Variants in OCLN observed in about 807,000 individuals in gnomAD.
OCLN encodes phosphatase 1, regulatory subunit 115.
Under a neutral mutation model 47.9 loss-of-function variants are expected in OCLN, and 21 were observed. That is an observed-to-expected ratio of 0.44 (90% CI 0.31 to 0.63). The LOEUF is 0.63. Among genes scored for constraint, OCLN ranks in the 30% least tolerant of loss-of-function variants. The pLI is 0.08. For synonymous variants in OCLN, 117 were observed against 198.4 expected (o/e 0.59, Z 3.45); for missense variants, 360 against 571.0 (o/e 0.63, Z 3.77).
At chr5:69,511,624 C>T (rs576577257) in intron 3 of OCLN, among the ~76,000 whole-genome samples, 9 of 152,236 alleles carry the variant, frequency 5.9e-5, no homozygotes, top group African/African-American at 1.7e-4. Context: ...CTTTGTTGCC[C>T]GGTCTGGGCT....
At chr5:69,515,412 C>G (rs1489823444) in intron 4 of OCLN, among the ~76,000 whole-genome samples, 1 of 141,152 alleles carries the variant, frequency 7.1e-6, no homozygotes, top group Non-Finnish European at 1.5e-5. Flanking sequence ...AGGGGGCTGA[C>G]CCCCCTACCT....
intron 6 of OCLN, among the ~76,000 whole-genome samples, chr5:69,547,053 ATTATT>A (rs1210694908): frequency 3.3e-5 from 5 of 149,342 alleles, no homozygotes; most frequent in African/African-American, 1.2e-4. Flanking sequence ...GAATTGCCAG[ATTATT>A]TTAACAGTGA....
At position 69,509,807 on chromosome 5, in the gene OCLN, G is replaced by A. The variant is rs753102756; in HGVS notation, c.717G>A (p.Val239=). The change falls in exon 3 of 9, where the codon GTG becomes GTA. Residue 239 remains valine (V), a synonymous_variant. Coordinates refer to ENST00000396442, the MANE Select transcript of OCLN (RefSeq NM_001205254.2). ...VDQYLYHYCV[V]DPQEAIAIVL... ...AGTATTTGTATCACTACTGTGTTGT[G>A]GATCCCCAGGAGGTATGAGTGGTGT... is the stretch of plus-strand genomic sequence containing the variant. 4 of 1,613,472 alleles carry A rather than the reference G, an allele frequency of 2.5e-6. No individual in the cohort carries two copies. The East Asian group carries it at 8.9e-5, about 36-fold the overall frequency.
At chr5:69,521,203 G>A (rs1290861522) in intron 4 of OCLN, among the ~76,000 whole-genome samples, 3 of 152,194 alleles carry the variant, frequency 2.0e-5, no homozygotes, top group Non-Finnish European at 4.4e-5. Flanking sequence ...TGTACACGTT[G>A]TATGCAGTTT....
rs773552792 is a variant in OCLN, at chr5:69,509,252, C to T, written c.162C>T (p.His54=). 1 of 1,614,220 alleles carries T rather than the reference C, an allele frequency of 6.2e-7. No individual in the cohort carries two copies. The highest frequency in any genetic ancestry group is 8.5e-7 in the Non-Finnish European group (1 of 1,180,018). The change falls in exon 3 of 9, where the codon CAC becomes CAT. Residue 54 remains histidine (H), a synonymous_variant. Coordinates refer to ENST00000396442, the MANE Select transcript of OCLN (RefSeq NM_001205254.2). ...YSFYPEDEIL[H]FYKWTSPPGV... ...TTTACCCAGAAGATGAAATTCTTCA[C>T]TTCTACAAATGGACCTCTCCTCCAG...
Position 69,555,204 on chromosome 5 carries a change from G to C in OCLN, c.*1533G>C, listed in dbSNP as rs1167451732. 4 of 143,688 alleles carry C rather than the reference G, an allele frequency of 2.8e-5. No homozygotes were observed. Among genetic ancestry groups the C allele is most frequent in the African/African-American group, 9.9e-5 (4 of 40,454 alleles). The allele number at this position is 143,688 out of a possible 1,614,324, so 8.9% of individuals were successfully genotyped here. On this transcript the variant is annotated 3_prime_UTR_variant, in exon 9 of 9. Transcript: ENST00000396442. ...CTGCCTCGGCCTCCCAAAGTGCTGGGATTACAGGCGTGAGCCACCATGCCT... is the reference window on the plus strand; with the variant it reads ...CTGCCTCGGCCTCCCAAAGTGCTGGCATTACAGGCGTGAGCCACCATGCCT...
chr5:69,509,990 T>C (rs893846469), intron 3 of OCLN, among the ~76,000 whole-genome samples, 171 bp downstream of exon 3: 4 of 152,234 alleles, frequency 2.6e-5, no homozygotes, highest in Admixed American at 2.6e-4. Flanking sequence ...TAACATACCA[T>C]GTAATTTGAT....
At chr5:69,533,885 C>T (rs985051273) in intron 4 of OCLN, among the ~76,000 whole-genome samples, 3 of 152,196 alleles carry the variant, frequency 2.0e-5, no homozygotes, top group Non-Finnish European at 2.9e-5. Flanking sequence ...TGGTCTCGAT[C>T]TCCTGACCTC....
intron 1 of OCLN, among the ~76,000 whole-genome samples, chr5:69,503,122 G>C (rs895176492): frequency 9.2e-5 from 14 of 152,086 alleles, no homozygotes; most frequent in African/African-American, 3.4e-4. Flanking sequence ...CCAGCACGTC[G>C]GTAGGTGTCT....
chr5:69,495,886 A>T (rs1768273683), intron 1 of OCLN, among the ~76,000 whole-genome samples: 1 of 152,172 alleles, frequency 6.6e-6, no homozygotes, highest in African/African-American at 2.4e-5. Context: ...TCTAGACAGG[A>T]AATTGCAAGA....
chr5:69,519,448 T>A (rs1440314165), intron 4 of OCLN, among the ~76,000 whole-genome samples: 1 of 152,202 alleles, frequency 6.6e-6, no homozygotes, highest in African/African-American at 2.4e-5. Context: ...TTCTCTGCCC[T>A]TCTTAGGGCT....
rs775357013 is a variant in OCLN at position 69,509,528 on chromosome 5, C to T, written c.438C>T (p.Ala146=). 42 of 1,614,026 alleles carry T rather than the reference C, an allele frequency of 2.6e-5. No individual in the cohort carries two copies. The highest frequency in any genetic ancestry group is 3.6e-5 in the Non-Finnish European group (42 of 1,180,030). The part of the protein sequence containing the change: ...AAKGFMLAMA[A]FCFIAALVIF... ...AGGGCTTCATGTTGGCCATGGCTGCCTTTTGTTTCATTGCCGCGTTGGTGA... is the reference window on the plus strand; with the variant it reads ...AGGGCTTCATGTTGGCCATGGCTGCTTTTTGTTTCATTGCCGCGTTGGTGA... Residue 146 remains alanine, a synonymous_variant, in exon 3 of 9, where the codon GCC becomes GCT. Coordinates refer to ENST00000396442, the MANE Select transcript of OCLN (RefSeq NM_001205254.2).
At chr5:69,533,134 C>T (rs200658521) in intron 4 of OCLN, among the ~76,000 whole-genome samples, 1 of 149,592 alleles carries the variant, frequency 6.7e-6, no homozygotes, top group Admixed American at 6.7e-5. Context: ...CACACACACA[C>T]ATATATATAC....
chr5:69,506,415 T>C (rs1457045848), intron 2 of OCLN, among the ~76,000 whole-genome samples: 3 of 152,222 alleles, frequency 2.0e-5, no homozygotes, highest in Admixed American at 6.5e-5. Context: ...AACTTGCACA[T>C]GTTCAGCTGT....
chr5:69,518,963 C>T (rs1769052951), intron 4 of OCLN, among the ~76,000 whole-genome samples: 1 of 151,994 alleles, frequency 6.6e-6, no homozygotes, highest in South Asian at 2.1e-4. Context: ...AAGGCAAGAC[C>T]CTATCTCTAC....
chr5:69,518,995 G>C (rs976308958), intron 4 of OCLN, among the ~76,000 whole-genome samples: 19 of 152,054 alleles, frequency 1.2e-4, no homozygotes, highest in Non-Finnish European at 8.8e-5. Context: ...AAAATTAGCC[G>C]GACGTGGGCA....
rs774350266 is a variant in OCLN at position 69,509,664 on chromosome 5, G to T, written c.574G>T (p.Val192Phe). ...LGIMVFIATI[V>F]YIMGVNPTAQ... is the part of the protein sequence containing the mutation. ...CATCATGGTGTTTATTGCCACAATT[G>T]TCTATATAATGGGAGTGAACCCAAC... Residue 192 changes from valine (V) to phenylalanine (F), a missense_variant, in exon 3 of 9, where the codon GTC becomes TTC. Physicochemically the swap from Val to Phe is conservative, Grantham distance 50. Around this residue, in one of 3 missense-constraint regions of OCLN, gnomAD observed 314 missense variants for 368.1 expected, o/e 0.85. Coordinates refer to ENST00000396442, the MANE Select transcript of OCLN (RefSeq NM_001205254.2). 6.2e-7 allele frequency: 1 copy of T among 1,614,194 alleles called. No homozygotes were observed. Among genetic ancestry groups the T allele is most frequent in the Non-Finnish European group, 8.5e-7 (1 of 1,180,034 alleles).
intron 4 of OCLN, among the ~76,000 whole-genome samples, chr5:69,515,274 CG>C (rs1260856109): frequency 6.6e-5 from 9 of 136,810 alleles, no homozygotes; most frequent in African/African-American, 2.5e-4. Context: ...GCTGGCCGGG[CG>C]GGGGGCTGAC....
intron 4 of OCLN, among the ~76,000 whole-genome samples, chr5:69,515,173 C>T (rs1768899353): frequency 6.7e-6 from 1 of 148,626 alleles, no homozygotes; most frequent in Non-Finnish European, 1.5e-5. Flanking sequence ...CCACCTCCCT[C>T]CCGGACGGGG....
Sources: allele counts gnomAD v4.1 joint callset (sites outside exome capture counted in the v4.1 genomes callset), GRCh38; gene constraint gnomAD v4.1.1; regional missense constraint gnomAD v4.1.1; transcripts MANE v1.5; gene names NCBI Gene and HGNC (gene_info 2026-07-23, HGNC 2026-07-21).